LTBP1: variants seen among roughly 807,000 people sequenced by gnomAD.
LTBP1 encodes latent-transforming growth factor beta-binding protein 1.
Under a neutral mutation model 207.6 loss-of-function variants are expected in LTBP1, and 129 were observed. That is an observed-to-expected ratio of 0.62 (90% CI 0.54 to 0.72). The LOEUF (loss-of-function observed/expected upper bound fraction) is 0.72, where lower values mean the gene tolerates loss of function less well. Among genes scored for constraint, LTBP1 ranks in the 30% least tolerant of loss-of-function variants. The probability of loss-of-function intolerance (pLI) is 0.00; values close to 1 mark genes in which losing one functional copy is unlikely to be tolerated. For synonymous variants in LTBP1, 963 were observed against 833.7 expected (o/e 1.16, Z -2.67); for missense variants, 2,281 against 2,217.2 (o/e 1.03, Z -0.58).
intron 24 of LTBP1, among the ~76,000 whole-genome samples, chr2:33,339,567 A>C (rs2094591778): frequency 6.6e-6 from 1 of 152,138 alleles, no homozygotes; most frequent in Non-Finnish European, 1.5e-5. Flanking sequence ...ATCAATCAGA[A>C]CAGATTTATT....
At chr2:33,343,033 G>A (rs768298677) in intron 25 of LTBP1, 70 bp downstream of exon 25, 8 of 1,521,500 alleles carry the variant, frequency 5.3e-6, no homozygotes, top group Non-Finnish European at 7.1e-6. Flanking sequence ...GTGAACAACA[G>A]GAGCTTTTAA....
chr2:33,193,341 C>T (rs1175239753), intron 7 of LTBP1, among the ~76,000 whole-genome samples: 1 of 152,124 alleles, frequency 6.6e-6, no homozygotes, highest in Admixed American at 6.5e-5. Flanking sequence ...GGGGTTTCAC[C>T]ATGTTGCCCA....
intron 7 of LTBP1, among the ~76,000 whole-genome samples, chr2:33,208,141 C>T (rs952430724): frequency 6.6e-6 from 1 of 152,098 alleles, no homozygotes; most frequent in Non-Finnish European, 1.5e-5. Flanking sequence ...ACTAGAATAC[C>T]CCAAGGCTTT....
At position 33,217,578 on chromosome 2, in the gene LTBP1, A is replaced by C; in HGVS notation, c.1728A>C (p.Ser576=). 6.2e-7 allele frequency: 1 copy of C among 1,613,942 alleles called. No homozygotes were observed. The highest frequency in any genetic ancestry group is 1.1e-5 in the South Asian group (1 of 91,072). Residue 576 remains serine (S), a synonymous_variant, in exon 8 of 34, where the codon TCA becomes TCC. Coordinates refer to ENST00000404816, the MANE Select transcript of LTBP1 (RefSeq NM_206943.4). ...SQCGKALPGL[S]KQEDCCGTVG... ...GTGGCAAAGCGCTCCCTGGCCTTTCAAAGCAAGAGGACTGCTGTGGAACTG... is the reference window on the plus strand; with the variant it reads ...GTGGCAAAGCGCTCCCTGGCCTTTCCAAGCAAGAGGACTGCTGTGGAACTG...
At chr2:33,246,458 G>C (rs2149821975) in intron 10 of LTBP1, among the ~76,000 whole-genome samples, 1 of 150,848 alleles carries the variant, frequency 6.6e-6, no homozygotes, top group African/African-American at 2.5e-5. Flanking sequence ...GGAGGGGACT[G>C]GAGATCACAC....
intron 5 of LTBP1, among the ~76,000 whole-genome samples, chr2:33,160,520 G>C (rs1156636706): frequency 6.6e-6 from 1 of 152,132 alleles, no homozygotes; most frequent in Non-Finnish European, 1.5e-5. Context: ...CTGCAGATGA[G>C]GTACCACATC....
chr2:33,134,821 G>T lies in LTBP1; in HGVS notation c.1062G>T (p.Val354=), dbSNP rs1362542703. ...QLSNHTGRIK[V]VFTPSICKVT... ...GTAACCACACTGGCCGCATCAAGGTGGTCTTTACTCCGAGCATCTGTAAAG... is the reference window on the plus strand; with the variant it reads ...GTAACCACACTGGCCGCATCAAGGTTGTCTTTACTCCGAGCATCTGTAAAG... Residue 354 remains valine, a synonymous_variant, in exon 5 of 34, where the codon GTG becomes GTT. Coordinates refer to ENST00000404816, the MANE Select transcript of LTBP1 (RefSeq NM_206943.4). The surrounding 1 kb of genome is among the most constrained non-coding windows in gnomAD (Gnocchi z 4.4). 6.2e-7 allele frequency: 1 copy of T among 1,614,082 alleles called. No individual in the cohort carries two copies. The highest frequency in any genetic ancestry group is 8.5e-7 in the Non-Finnish European group (1 of 1,180,016).
At position 33,398,377 on chromosome 2, in the gene LTBP1, C is replaced by T. The variant is rs1165073566; in HGVS notation, c.4998C>T (p.Cys1666=). The T allele has an allele frequency of 5.6e-6, 9 of 1,613,146 alleles. No homozygotes were observed. Among genetic ancestry groups the T allele is most frequent in the South Asian group, 2.2e-5 (2 of 90,908 alleles). The change falls in exon 34 of 34, where the codon TGC becomes TGT. Residue 1666 remains cysteine, a synonymous_variant. Transcript: ENST00000404816. The stretch of plus-strand genomic sequence containing the variant: ...GACTTATTGCAGATGTAAATGAATG[C>T]GATGAGTTGAACAACCGGATGTCTC... ...AKMTCVDVNE[C]DELNNRMSLC... is the part of the protein sequence containing the mutation.
intron 32 of LTBP1, among the ~76,000 whole-genome samples, chr2:33,396,085 T>G (rs113640820): frequency 0.011 from 1,649 of 152,166 alleles, 34 homozygotes; most frequent in African/African-American, 0.038. Context: ...AACTCTAAAG[T>G]CTAGCTCTGA....
In LTBP1 at chr2:33,381,228, T is replaced by G. The variant is rs144709174; in HGVS notation, c.4712-7956T>G. Among the ~76,000 whole-genome samples the G allele has an allele frequency of 1.7e-3, 265 of 152,322 alleles. 2 individuals are homozygous for G. The highest frequency in any genetic ancestry group is 6.2e-3 in the African/African-American group (256 of 41,568). On this transcript the variant is annotated intron_variant, in intron 31 of 33. Coordinates refer to ENST00000404816, the MANE Select transcript of LTBP1 (RefSeq NM_206943.4). The stretch of plus-strand genomic sequence containing the variant: ...ATCATTATTTTAAGGTTATTGTGTG[T>G]GGCATAATTTAATACTATTACAGTA...
chr2:33,378,253 T>A (rs2095169319), intron 31 of LTBP1, among the ~76,000 whole-genome samples: 1 of 151,158 alleles, frequency 6.6e-6, no homozygotes, highest in Admixed American at 6.6e-5. Flanking sequence ...GGAGACAGAG[T>A]CTCGCTCTGT....
intron 20 of LTBP1, among the ~76,000 whole-genome samples, chr2:33,294,865 C>A (rs2093844962): frequency 6.6e-6 from 1 of 151,792 alleles, no homozygotes; most frequent in Non-Finnish European, 1.5e-5. Context: ...GCATGAGCCA[C>A]CACGCCTGGC....
intron 2 of LTBP1, among the ~76,000 whole-genome samples, chr2:33,012,196 T>C (rs1162165440): frequency 1.3e-5 from 2 of 152,154 alleles, no homozygotes; most frequent in African/African-American, 4.8e-5. Context: ...GAGCATAGAA[T>C]TGTCACTCAG....
At chr2:33,140,669 A>ATT (rs200209189) in intron 5 of LTBP1, among the ~76,000 whole-genome samples, 27,578 of 141,560 alleles carry the variant, frequency 0.19, 3,077 homozygotes, top group East Asian at 0.31. Context: ...TAATTAATTA[A>ATT]TTTTTTTTTT....
intron 5 of LTBP1, among the ~76,000 whole-genome samples, chr2:33,183,479 C>G (rs748497422): frequency 2.0e-5 from 3 of 152,152 alleles, no homozygotes; most frequent in African/African-American, 7.2e-5. Flanking sequence ...TCATGATTTG[C>G]GAACCAAAGA....
chr2:33,085,755 G>C (rs2078715534), intron 3 of LTBP1, among the ~76,000 whole-genome samples: 1 of 152,172 alleles, frequency 6.6e-6, no homozygotes, highest in Non-Finnish European at 1.5e-5. Flanking sequence ...TCCAAATTCT[G>C]TGTTCTTAGC....
intron 5 of LTBP1, among the ~76,000 whole-genome samples, chr2:33,153,178 A>C (rs1458394022): frequency 6.6e-6 from 1 of 152,158 alleles, no homozygotes; most frequent in African/African-American, 2.4e-5. Flanking sequence ...TCTGTTTTCC[A>C]CTTTGAATCA....
chr2:33,049,060 T>TA (rs1463219035), intron 3 of LTBP1, among the ~76,000 whole-genome samples: 1 of 152,162 alleles, frequency 6.6e-6, no homozygotes, highest in Non-Finnish European at 1.5e-5. Context: ...AAGTAACCTT[T>TA]AAAAAAATCT....
chr2:33,018,973 G>A (rs544289228), intron 2 of LTBP1, among the ~76,000 whole-genome samples: 13 of 152,134 alleles, frequency 8.5e-5, no homozygotes, highest in East Asian at 1.9e-4. Context: ...TTGCTGTAAC[G>A]AATAGGCATC....
Sources: gnomAD v4.1 joint callset for allele counts (sites outside exome capture counted in the v4.1 genomes callset) on GRCh38, gnomAD v4.1.1 for gene constraint, Gnocchi (gnomAD v3.1) non-coding constraint, MANE v1.5 for transcripts, NCBI Gene and HGNC (gene_info 2026-07-23, HGNC 2026-07-21) for gene names.